Variants in TPSG1 observed in about 807,000 individuals in gnomAD.
The protein encoded by TPSG1 is tryptase gamma 1, also known as tryptase gamma.
A neutral mutation model predicts 23.8 loss-of-function variants in TPSG1; 43 were observed. That is an observed-to-expected ratio of 1.81 (90% CI 1.42 to 2.33). The LOEUF (loss-of-function observed/expected upper bound fraction) is 2.33, where lower values mean the gene tolerates loss of function less well. Among genes scored for constraint, TPSG1 ranks in the 30% most tolerant of loss-of-function variants. TPSG1 has a pLI of 0.00. For missense variants in TPSG1, 623 were observed against 438.6 expected (o/e 1.42, Z -3.75); for synonymous variants, 302 against 201.3 (o/e 1.50, Z -4.23).
chr16:1,225,206 C>T lies in TPSG1; in HGVS notation c.46+1G>A, dbSNP rs1197089871. 6.3e-7 allele frequency: 1 copy of T among 1,575,992 alleles called. No homozygotes were observed. The highest frequency in any genetic ancestry group is 8.6e-7 in the Non-Finnish European group (1 of 1,161,104). Reference sequence around the variant, plus strand: ...CCCCACACCCAGGCCAGGTCACCCACCGGGCACAGCCAGGAGCAGCAGGAG... The same window carrying T: ...CCCCACACCCAGGCCAGGTCACCCATCGGGCACAGCCAGGAGCAGCAGGAG... On this transcript the variant is annotated splice_donor_variant, in intron 1 of 5. Coordinates refer to ENST00000234798, the MANE Select transcript of TPSG1 (RefSeq NM_012467.4). LOFTEE classifies it high-confidence loss of function.
chr16:1,224,866 T>G (rs1038204661), intron 1 of TPSG1: 19 of 605,324 alleles, frequency 3.1e-5, no homozygotes, highest in African/African-American at 1.3e-4. Flanking sequence ...GGCCTGGGCC[T>G]CCTCCCCGCC....
rs367854315 is a variant in TPSG1 at position 1,224,597 on chromosome 16, C to T, written c.73+5G>A. 3.0e-5 allele frequency: 49 copies of T among 1,613,806 alleles called. No homozygotes were observed. The highest frequency in any genetic ancestry group is 1.7e-4 in the Middle Eastern group (1 of 6,056). On this transcript the variant is annotated splice_donor_5th_base_variant and intron_variant, in intron 2 of 5. Coordinates refer to ENST00000234798, the MANE Select transcript of TPSG1 (RefSeq NM_012467.4). The stretch of plus-strand genomic sequence containing the variant: ...CCCCACACCCCACACCTGTCAGAGA[C>T]GTACCTGGCTGCAAAGTCCTGAGGG...
chr16:1,225,124 C>T (rs2030077566), intron 1 of TPSG1, 83 bp downstream of exon 1: 5 of 1,503,196 alleles, frequency 3.3e-6, no homozygotes, highest in East Asian at 2.5e-5. Context: ...CCGTCTCAGA[C>T]CAGCCCCCAG....
At position 1,222,792 on chromosome 16, in the gene TPSG1, C is replaced by G. The variant is rs199713057; in HGVS notation, c.371G>C (p.Gly124Ala). ...ACTGAGCTCCACCAGGGCGATGTCC[C>G]CGCTGGTCCCCGGCTGTCCTGAGGG... ...SSPSGQPGTS[G>A]DIALVELSVP... is the part of the protein sequence containing the mutation. The change falls in exon 4 of 6, where the codon GGG (glycine) becomes GCG (alanine). Residue 124 changes from glycine to alanine, a missense_variant. By Grantham distance (60) the Gly-to-Ala change is moderately conservative. Transcript: ENST00000234798. The G allele has an allele frequency of 6.2e-7, 1 of 1,612,110 alleles. No individual in the cohort carries two copies. Among genetic ancestry groups the G allele is most frequent in the Non-Finnish European group, 8.5e-7 (1 of 1,179,838 alleles).
At chr16:1,224,326 C>T (rs1396473730) in intron 2 of TPSG1, among the ~76,000 whole-genome samples, 2 of 152,062 alleles carry the variant, frequency 1.3e-5, no homozygotes, top group Admixed American at 6.5e-5. Flanking sequence ...ACGGTGGGGA[C>T]GCTGTGGGGA....
chr16:1,225,236 C>T lies in TPSG1; in HGVS notation c.17G>A (p.Cys6Tyr), dbSNP rs779459479. MALGA[C>Y]GLLLLLAVPG... ...CACAGCCAGGAGCAGCAGGAGGCCA[C>T]AGGCCCCAAGGGCCATGGTGTCTGC... The change falls in exon 1 of 6, where the codon TGT (cysteine) becomes TAT (tyrosine). Residue 6 changes from cysteine to tyrosine, a missense_variant. Cys to Tyr is a radical substitution (Grantham distance 194). Coordinates refer to ENST00000234798, the MANE Select transcript of TPSG1 (RefSeq NM_012467.4). 1.9e-6 allele frequency: 3 copies of T among 1,577,736 alleles called. No homozygotes were observed. Among genetic ancestry groups the T allele is most frequent in the Non-Finnish European group, 2.6e-6 (3 of 1,162,068 alleles).
In TPSG1 at chr16:1,222,634, C is replaced by T. The variant is rs755714116; in HGVS notation, c.511+18G>A. Reference sequence around the variant, plus strand: ...CCTTGCCTTCCTCCATCCCAGCATCCCCACGGGGGCTCCTCACCTCCCTCC... The same window carrying T: ...CCTTGCCTTCCTCCATCCCAGCATCTCCACGGGGGCTCCTCACCTCCCTCC... On this transcript the variant is annotated intron_variant, in intron 4 of 5. Transcript: ENST00000234798. 8 of 1,528,936 alleles carry T rather than the reference C, an allele frequency of 5.2e-6. No individual in the cohort carries two copies. The highest frequency in any genetic ancestry group is 1.3e-5 in the South Asian group (1 of 77,950). 94.7% of individuals were successfully genotyped at this position (1,528,936 alleles called of 1,614,324 possible). A position where few individuals can be genotyped will look rare whatever the true frequency, so the allele number is the denominator to read the frequency against.
chr16:1,224,987 A>AC (rs2030069933), intron 1 of TPSG1, among the ~76,000 whole-genome samples: 1 of 133,678 alleles, frequency 7.5e-6, no homozygotes, highest in East Asian at 2.3e-4. Flanking sequence ...CAACTCCTGC[A>AC]CCCCCAACTC....
intron 4 of TPSG1, 60 bp downstream of exon 4, chr16:1,222,592 A>G: frequency 2.6e-6 from 4 of 1,514,336 alleles, no homozygotes; most frequent in Non-Finnish European, 3.5e-6. Flanking sequence ...CCCTCAAGCC[A>G]GCTCTCTTCC....
chr16:1,221,882 G>C lies in TPSG1; in HGVS notation c.872C>G (p.Pro291Arg). 1 of 1,611,926 alleles carries C rather than the reference G, an allele frequency of 6.2e-7. No individual in the cohort carries two copies. Among genetic ancestry groups the C allele is most frequent in the Non-Finnish European group, 8.5e-7 (1 of 1,179,500 alleles). The change falls in exon 6 of 6, where the codon CCC (proline) becomes CGC (arginine). Residue 291 changes from proline to arginine, a missense_variant. Transcript: ENST00000234798. ...GGAGACTAGCAGAAGGAAGAGGCCGGGGAGGAAGAAGCCAGCCAGGAGGGG... is the reference window on the plus strand; with the variant it reads ...GGAGACTAGCAGAAGGAAGAGGCCGCGGAGGAAGAAGCCAGCCAGGAGGGG... ...RLPLLAGFFLPGLFLLLVSCV... is the reference protein window; with the variant it reads ...RLPLLAGFFLRGLFLLLVSCV...
chr16:1,221,704 A>G lies in TPSG1; in HGVS notation c.*84T>C, dbSNP rs1254864477. On this transcript the variant is annotated 3_prime_UTR_variant, in exon 6 of 6. Coordinates refer to ENST00000234798, the MANE Select transcript of TPSG1 (RefSeq NM_012467.4). ...TAAATGTTGCAATAATCTGATGCAG[A>G]AGACTCAGCTTCTCAAGGGAGAGGG... The G allele has an allele frequency of 5.3e-6, 7 of 1,310,190 alleles. No individual in the cohort carries two copies. Among genetic ancestry groups the G allele is most frequent in the African/African-American group, 2.9e-5 (2 of 67,828 alleles). 81.2% of individuals were successfully genotyped at this position (1,310,190 alleles called of 1,614,324 possible). A position where few individuals can be genotyped will look rare whatever the true frequency, so the allele number is the denominator to read the frequency against.
In TPSG1 at chr16:1,221,771, C is replaced by A; in HGVS notation, c.*17G>T. 1 of 1,584,802 alleles carries A rather than the reference C, an allele frequency of 6.3e-7. No individual in the cohort carries two copies. The highest frequency in any genetic ancestry group is 1.8e-5 in the Admixed American group (1 of 56,460). ...TAAATAGTAACTTATTTAAGAAATG[C>A]ACTTGGATTCCTGCCATCAGTCAGG... is the stretch of plus-strand genomic sequence containing the variant. On this transcript the variant is annotated 3_prime_UTR_variant, in exon 6 of 6. Transcript: ENST00000234798.
At position 1,225,189 on chromosome 16, in the gene TPSG1, C is replaced by A. The variant is rs1336563873; in HGVS notation, c.46+18G>T. On this transcript the variant is annotated intron_variant, in intron 1 of 5. Transcript: ENST00000234798. Reference sequence around the variant, plus strand: ...AGCAGATGCCCCCCCATCCCCACACCCAGGCCAGGTCACCCACCGGGCACA... The same window carrying A: ...AGCAGATGCCCCCCCATCCCCACACACAGGCCAGGTCACCCACCGGGCACA... 1 of 1,568,616 alleles carries A rather than the reference C, an allele frequency of 6.4e-7. No homozygotes were observed. The highest frequency in any genetic ancestry group is 8.6e-7 in the Non-Finnish European group (1 of 1,157,056).
At chr16:1,224,466 G>C (rs575532487) in intron 2 of TPSG1, 136 bp downstream of exon 2, 1 of 1,146,896 alleles carries the variant, frequency 8.7e-7, no homozygotes. Context: ...CGAGAGATGC[G>C]AGCAGAAACC....
At chr16:1,223,341 G>A in intron 3 of TPSG1, 82 bp downstream of exon 3, 1 of 1,441,574 alleles carries the variant, frequency 6.9e-7, no homozygotes, top group South Asian at 1.4e-5. Context: ...AGTGAGTCAA[G>A]ACCAAGTGGA....
chr16:1,225,099 A>T, intron 1 of TPSG1, 108 bp downstream of exon 1: 1 of 1,377,390 alleles, frequency 7.3e-7, no homozygotes, highest in East Asian at 2.5e-5. Context: ...CAGGGTGGGG[A>T]CTCAGCATGT....
Position 1,225,191 on chromosome 16 carries a change from A to C in TPSG1, c.46+16T>G, listed in dbSNP as rs746759904. The stretch of plus-strand genomic sequence containing the variant: ...CAGATGCCCCCCCATCCCCACACCC[A>C]GGCCAGGTCACCCACCGGGCACAGC... On this transcript the variant is annotated intron_variant, in intron 1 of 5. Coordinates refer to ENST00000234798, the MANE Select transcript of TPSG1 (RefSeq NM_012467.4). 6.4e-7 allele frequency: 1 copy of C among 1,569,430 alleles called. No individual in the cohort carries two copies. Among genetic ancestry groups the C allele is most frequent in the Non-Finnish European group, 8.6e-7 (1 of 1,157,448 alleles).
In TPSG1 at chr16:1,222,632, TC is replaced by T. The variant is rs1970550655; in HGVS notation, c.511+19del. 6.6e-7 allele frequency: 1 copy of T among 1,524,108 alleles called. No individual in the cohort carries two copies. Among genetic ancestry groups the T allele is most frequent in the South Asian group, 1.3e-5 (1 of 77,188 alleles). The allele number at this position is 1,524,108 out of a possible 1,614,324, so 94.4% of individuals were successfully genotyped here. On this transcript the variant is annotated intron_variant, in intron 4 of 5. Coordinates refer to ENST00000234798, the MANE Select transcript of TPSG1 (RefSeq NM_012467.4). Reference sequence around the variant, plus strand: ...GCCCTTGCCTTCCTCCATCCCAGCATCCCCACGGGGGCTCCTCACCTCCCTC... The same window carrying T: ...GCCCTTGCCTTCCTCCATCCCAGCATCCCACGGGGGCTCCTCACCTCCCTC...
At chr16:1,223,390 A>G (rs761820765) in intron 3 of TPSG1, 33 bp downstream of exon 3, 5 of 1,549,996 alleles carry the variant, frequency 3.2e-6, no homozygotes, top group African/African-American at 2.7e-5. Flanking sequence ...GGGCCTGGAC[A>G]TTGAGACTGC....
Sources: allele counts gnomAD v4.1 joint callset (sites outside exome capture counted in the v4.1 genomes callset), GRCh38; gene constraint gnomAD v4.1.1; transcripts MANE v1.5; gene names NCBI Gene and HGNC (gene_info 2026-07-23, HGNC 2026-07-21).